The following ANO1 variants were observed in gnomAD, a reference collection of about 807,000 sequenced individuals.
The protein encoded by ANO1 is anoctamin-1.
ANO1 carries 59 observed loss-of-function variants against 124.0 expected under a neutral mutation model. That is an observed-to-expected ratio of 0.48 (90% CI 0.39 to 0.59). The LOEUF is 0.59. ANO1 is among the 20% of genes least tolerant of loss of function. The probability of loss-of-function intolerance (pLI) is 0.00; values close to 1 mark genes in which losing one functional copy is unlikely to be tolerated. For synonymous variants in ANO1, 529 were observed against 532.0 expected (o/e 0.99, Z 0.08); for missense variants, 1,059 against 1,328.0 (o/e 0.80, Z 3.15).
rs367808889 is a variant in ANO1, at chr11:70,172,976, C to T, written c.2350+1937C>T. On this transcript the variant is annotated intron_variant, in intron 22 of 25. Coordinates refer to ENST00000355303, the MANE Select transcript of ANO1 (RefSeq NM_018043.7). ...CCCTTCAGATCATCTCACCCCAGTACGTGTTTTCTCCTTAAGTTGTTAGCG... is the reference window on the plus strand; with the variant it reads ...CCCTTCAGATCATCTCACCCCAGTATGTGTTTTCTCCTTAAGTTGTTAGCG... Among the ~76,000 whole-genome samples, 9 of 152,238 alleles carry T rather than the reference C, an allele frequency of 5.9e-5. No individual in the cohort carries two copies. In the East Asian group the frequency reaches 1.4e-3, roughly 23 times the overall value.
chr11:70,054,938 G>A (rs181064280), intron 1 of ANO1, among the ~76,000 whole-genome samples: 39 of 152,180 alleles, frequency 2.6e-4, no homozygotes, highest in East Asian at 1.2e-3. Context: ...ACCATAATAC[G>A]ATATGGGATA....
At chr11:69,981,384 C>G (rs887260588), upstream of ANO1, among the ~76,000 whole-genome samples, 4 of 152,288 alleles carry the variant, frequency 2.6e-5, no homozygotes, top group South Asian at 8.3e-4. Flanking sequence ...TGCACGGATT[C>G]GATGAGCCGA....
intron 8 of ANO1, among the ~76,000 whole-genome samples, chr11:70,122,435 C>A (rs2046330533): frequency 7.2e-6 from 1 of 139,394 alleles, no homozygotes; most frequent in East Asian, 2.2e-4. Context: ...TGTCTCTCTC[C>A]ACCTCCCCAC....
At chr11:70,166,647 C>T (rs1381937025) in intron 20 of ANO1, among the ~76,000 whole-genome samples, 1 of 152,328 alleles carries the variant, frequency 6.6e-6, no homozygotes, top group East Asian at 1.9e-4. Context: ...CATGACCAGC[C>T]TCCACTGTTC....
intron 1 of ANO1, among the ~76,000 whole-genome samples, chr11:70,019,961 GTC>G (rs1172768475): frequency 6.6e-6 from 1 of 152,228 alleles, no homozygotes; most frequent in Non-Finnish European, 1.5e-5. Context: ...CTGGCTCTGG[GTC>G]TCTCTGCTTC....
chr11:70,094,498 C>T (rs2044764313), intron 2 of ANO1, among the ~76,000 whole-genome samples: 1 of 152,188 alleles, frequency 6.6e-6, no homozygotes, highest in African/African-American at 2.4e-5. Flanking sequence ...CTCATCAGCA[C>T]AAATAAAAGC....
At chr11:69,995,224 C>T (rs559614100) in intron 1 of ANO1, among the ~76,000 whole-genome samples, 1 of 151,996 alleles carries the variant, frequency 6.6e-6, no homozygotes, top group African/African-American at 2.4e-5. Flanking sequence ...CTCAGCCTCC[C>T]AAGCAGCTGG....
intron 14 of ANO1, among the ~76,000 whole-genome samples, chr11:70,153,985 C>A (rs1220885760): frequency 6.6e-6 from 1 of 151,990 alleles, no homozygotes; most frequent in Non-Finnish European, 1.5e-5. Flanking sequence ...AGGCTGGTCT[C>A]GAACTCCTGA....
chr11:70,054,406 C>G (rs1857401696), intron 1 of ANO1, among the ~76,000 whole-genome samples: 1 of 152,252 alleles, frequency 6.6e-6, no homozygotes, highest in Non-Finnish European at 1.5e-5. Context: ...GGCACAGGCT[C>G]CTCACAGTGC....
rs1357294091 is a variant in ANO1 at position 70,161,289 on chromosome 11, C to T, written c.1707C>T (p.Val569=). The T allele has an allele frequency of 1.2e-6, 2 of 1,613,768 alleles. No homozygotes were observed. ...GGGTCACAGTCACAGCCACCGCAGTCATCATCAACCTAGTGGTCATCATCC... is the reference window on the plus strand; with the variant it reads ...GGGTCACAGTCACAGCCACCGCAGTTATCATCAACCTAGTGGTCATCATCC... ...NIRVTVTATA[V]IINLVVIILL... Residue 569 remains valine, a synonymous_variant, in exon 17 of 26, where the codon GTC becomes GTT. Coordinates refer to ENST00000355303, the MANE Select transcript of ANO1 (RefSeq NM_018043.7).
Position 70,155,906 on chromosome 11 carries a change from C to A in ANO1, c.1426-5C>A, listed in dbSNP as rs11235438. ...CGGTGCTCTCTTTCCCCCACCCCCC[C>A]TCAGAAGCGCCGGCATATTCCAGAG... On this transcript the variant is annotated splice_region_variant and splice_polypyrimidine_tract_variant and intron_variant, in intron 14 of 25. Coordinates refer to ENST00000355303, the MANE Select transcript of ANO1 (RefSeq NM_018043.7). The A allele has an allele frequency of 1.3e-6, 2 of 1,541,256 alleles. No individual in the cohort carries two copies. Among genetic ancestry groups the A allele is most frequent in the South Asian group, 1.2e-5 (1 of 82,486 alleles).
intron 1 of ANO1, among the ~76,000 whole-genome samples, chr11:70,083,767 T>C (rs752177256): frequency 6.6e-6 from 1 of 152,152 alleles, no homozygotes; most frequent in Non-Finnish European, 1.5e-5. Flanking sequence ...TGAGGTCAGG[T>C]TGGAGCTCTG....
chr11:70,169,237 A>G (rs570119092), intron 21 of ANO1, among the ~76,000 whole-genome samples: 3 of 152,246 alleles, frequency 2.0e-5, no homozygotes, highest in African/African-American at 7.2e-5. Flanking sequence ...GTTTGGACAA[A>G]GGGGACTTCT....
At chr11:70,075,924 G>A (rs1171214774), upstream of ANO1, among the ~76,000 whole-genome samples, 3 of 152,178 alleles carry the variant, frequency 2.0e-5, no homozygotes, top group Non-Finnish European at 4.4e-5. Context: ...CTCCTATTTT[G>A]GGGGGCTATT....
At chr11:70,107,820 G>C (rs1357406388) in intron 5 of ANO1, among the ~76,000 whole-genome samples, 3 of 152,124 alleles carry the variant, frequency 2.0e-5, no homozygotes, top group Non-Finnish European at 4.4e-5. Flanking sequence ...GCAGGGCTCT[G>C]CCCAGGCACC....
intron 11 of ANO1, among the ~76,000 whole-genome samples, chr11:70,144,130 A>G (rs1264930824): frequency 6.6e-6 from 1 of 152,096 alleles, no homozygotes; most frequent in Non-Finnish European, 1.5e-5. Context: ...ATAAATATTT[A>G]TATTTATTTA....
intron 1 of ANO1, among the ~76,000 whole-genome samples, chr11:69,992,098 G>A (rs1156853688): frequency 6.6e-6 from 1 of 152,240 alleles, no homozygotes. Context: ...CCCAGGGCCT[G>A]GCCATGGCAG....
the ANO1 span, among the ~76,000 whole-genome samples, chr11:69,975,194 T>G: frequency 4.6e-5 from 7 of 152,334 alleles, no homozygotes; most frequent in Admixed American, 1.3e-4. Flanking sequence ...CTGGGTCCCA[T>G]GTCCATGTTG....
chr11:70,126,886 T>C (rs1296674663), intron 10 of ANO1, among the ~76,000 whole-genome samples: 1 of 140,712 alleles, frequency 7.1e-6, no homozygotes, highest in Non-Finnish European at 1.5e-5. Context: ...TTGCGGGAGG[T>C]GAGACATGAA....
Sources: gnomAD v4.1 joint callset for allele counts (sites outside exome capture counted in the v4.1 genomes callset) on GRCh38, gnomAD v4.1.1 for gene constraint, MANE v1.5 for transcripts, NCBI Gene and HGNC (gene_info 2026-07-23, HGNC 2026-07-21) for gene names.